TAFA1: variants seen among roughly 807,000 people sequenced by gnomAD.
TAFA1 encodes chemokine-like protein TAFA-1.
TAFA1 carries 4 observed loss-of-function variants against 18.5 expected under a neutral mutation model. The observed-to-expected ratio is 0.22, with a 90% CI of 0.11 to 0.49. The LOEUF (loss-of-function observed/expected upper bound fraction) is 0.49, where lower values mean the gene tolerates loss of function less well. TAFA1 is among the 20% of genes least tolerant of loss of function. The pLI, the probability that TAFA1 is intolerant of heterozygous loss-of-function variation, is 0.98. For synonymous variants in TAFA1, 56 were observed against 55.2 expected (o/e 1.01, Z -0.06); for missense variants, 147 against 169.0 (o/e 0.87, Z 0.72).
intron 2 of TAFA1, among the ~76,000 whole-genome samples, chr3:68,385,324 C>G (rs137953322): frequency 1.3e-5 from 2 of 152,018 alleles, no homozygotes; most frequent in African/African-American, 4.8e-5. Flanking sequence ...TGGCGTTTCC[C>G]CAGCATAAAT....
At chr3:68,501,155 A>G (rs796677689) in intron 3 of TAFA1, among the ~76,000 whole-genome samples, 7 of 8,556 alleles carry the variant, frequency 8.2e-4, no homozygotes, top group African/African-American at 5.9e-3. Context: ...ACCCTGTCTG[A>G]AAAAAAAAAA....
At chr3:68,319,965 A>G (rs2068672518) in intron 2 of TAFA1, among the ~76,000 whole-genome samples, 1 of 152,198 alleles carries the variant, frequency 6.6e-6, no homozygotes, top group African/African-American at 2.4e-5. Flanking sequence ...GAATACGACT[A>G]AAACAGTGTT....
chr3:68,187,170 G>A (rs7642669), intron 2 of TAFA1, among the ~76,000 whole-genome samples: 2,211 of 151,912 alleles, frequency 0.015, 60 homozygotes, highest in African/African-American at 0.05. Context: ...TGTCTTTTAC[G>A]TGTGTCCTCC....
intron 2 of TAFA1, among the ~76,000 whole-genome samples, chr3:68,265,615 G>C (rs1442316597): frequency 6.6e-6 from 1 of 152,118 alleles, no homozygotes; most frequent in African/African-American, 2.4e-5. Context: ...AACTAACTGG[G>C]TTCACCTCCA....
chr3:68,314,308 G>C lies in TAFA1; in HGVS notation c.119-102972G>C, dbSNP rs374858233. Among the ~76,000 whole-genome samples the C allele has an allele frequency of 1.6e-4, 25 of 152,304 alleles. No homozygotes were observed. The East Asian group carries it at 3.3e-3, about 20-fold the overall frequency. On this transcript the variant is annotated intron_variant, in intron 2 of 4. Coordinates refer to ENST00000478136, the MANE Select transcript of TAFA1 (RefSeq NM_213609.4). ...CCTGTTCCTGTCCATAGAGTTAATT[G>C]TATGTTCAGAACTGAGCTTTATTTG...
chr3:68,405,967 A>G (rs1440389136), intron 2 of TAFA1, among the ~76,000 whole-genome samples: 1 of 151,816 alleles, frequency 6.6e-6, no homozygotes, highest in African/African-American at 2.4e-5. Context: ...TATTTATAGT[A>G]TACCTACTAT....
intron 2 of TAFA1, among the ~76,000 whole-genome samples, chr3:68,355,241 C>T (rs560386355): frequency 6.6e-6 from 1 of 151,998 alleles, no homozygotes; most frequent in South Asian, 2.1e-4. Flanking sequence ...CAACATAGTC[C>T]TACTTTTGGG....
At chr3:68,245,707 A>C (rs2067064663) in intron 2 of TAFA1, among the ~76,000 whole-genome samples, 1 of 152,220 alleles carries the variant, frequency 6.6e-6, no homozygotes, top group Non-Finnish European at 1.5e-5. Flanking sequence ...TGCTTCCTCT[A>C]CTGATTACTT....
At chr3:68,250,569 G>A (rs1378532281) in intron 2 of TAFA1, among the ~76,000 whole-genome samples, 2 of 152,050 alleles carry the variant, frequency 1.3e-5, no homozygotes, top group African/African-American at 2.4e-5. Flanking sequence ...ATTCTCAAGA[G>A]AGTAGCTCTT....
At chr3:68,051,646 T>A (rs1051943044) in intron 2 of TAFA1, among the ~76,000 whole-genome samples, 1 of 152,196 alleles carries the variant, frequency 6.6e-6, no homozygotes, top group African/African-American at 2.4e-5. Flanking sequence ...ATATCACTTC[T>A]GAACTTTTAC....
chr3:68,207,076 A>T (rs1241655239), intron 2 of TAFA1, among the ~76,000 whole-genome samples: 2 of 151,916 alleles, frequency 1.3e-5, no homozygotes, highest in Non-Finnish European at 2.9e-5. Context: ...TAATAATATC[A>T]ACTTGCCTGG....
At chr3:68,474,047 T>A (rs2072046887) in intron 3 of TAFA1, among the ~76,000 whole-genome samples, 1 of 75,550 alleles carries the variant, frequency 1.3e-5, no homozygotes. Context: ...AGAAAATGTA[T>A]CACCCCCCCC....
intron 2 of TAFA1, among the ~76,000 whole-genome samples, chr3:68,148,578 G>T (rs1447962337): frequency 6.6e-6 from 1 of 152,200 alleles, no homozygotes; most frequent in Non-Finnish European, 1.5e-5. Flanking sequence ...AGAGACTTCA[G>T]AAAAGCGTTT....
chr3:68,087,132 T>C (rs2064979396), intron 2 of TAFA1, among the ~76,000 whole-genome samples: 1 of 152,208 alleles, frequency 6.6e-6, no homozygotes, highest in African/African-American at 2.4e-5. Flanking sequence ...CCTACTGTTG[T>C]ACAGGAATTG....
chr3:68,195,254 A>T (rs375435965), intron 2 of TAFA1, among the ~76,000 whole-genome samples: 113 of 150,452 alleles, frequency 7.5e-4, no homozygotes, highest in African/African-American at 2.5e-3. Flanking sequence ...ATTTCTTTCT[A>T]AATCCTTAAG....
chr3:68,159,506 C>T (rs561039820), intron 2 of TAFA1, among the ~76,000 whole-genome samples: 1 of 152,280 alleles, frequency 6.6e-6, no homozygotes, highest in East Asian at 1.9e-4. Flanking sequence ...GAATGAATTA[C>T]TATTTTTTAA....
At chr3:68,128,999 ATAT>A (rs2065506361) in intron 2 of TAFA1, among the ~76,000 whole-genome samples, 1 of 152,232 alleles carries the variant, frequency 6.6e-6, no homozygotes, top group East Asian at 1.9e-4. Context: ...TCTACAAATG[ATAT>A]TATACAAAGT....
At chr3:68,493,199 A>T (rs1031482148) in intron 3 of TAFA1, among the ~76,000 whole-genome samples, 2 of 152,096 alleles carry the variant, frequency 1.3e-5, no homozygotes, top group African/African-American at 4.8e-5. Flanking sequence ...GTCTCCATGA[A>T]CTTGACTACT....
At chr3:68,266,045 C>G (rs1227207722) in intron 2 of TAFA1, among the ~76,000 whole-genome samples, 1 of 152,128 alleles carries the variant, frequency 6.6e-6, no homozygotes, top group Non-Finnish European at 1.5e-5. Context: ...ATTCTTCTTG[C>G]CTGTGCCAGG....
Sources: gnomAD v4.1 joint callset for allele counts (sites outside exome capture counted in the v4.1 genomes callset) on GRCh38, gnomAD v4.1.1 for gene constraint, MANE v1.5 for transcripts, NCBI Gene and HGNC (gene_info 2026-07-23, HGNC 2026-07-21) for gene names.